CYB5R4: variants seen among roughly 807,000 people sequenced by gnomAD.
CYB5R4 encodes cytochrome b5 reductase 4.
CYB5R4 carries 55 observed loss-of-function variants against 70.2 expected under a neutral mutation model. The ratio of observed to expected loss-of-function variants is 0.78; its 90% CI spans 0.63 to 0.98. CYB5R4 has a LOEUF of 0.98. CYB5R4 is among the 50% of genes least tolerant of loss of function. The pLI, the probability that CYB5R4 is intolerant of heterozygous loss-of-function variation, is 0.00. For missense variants in CYB5R4, 562 were observed against 612.6 expected (o/e 0.92, Z 0.87); for synonymous variants, 197 against 199.5 (o/e 0.99, Z 0.11).
chr6:83,875,932 C>T (rs1334921903), intron 2 of CYB5R4, among the ~76,000 whole-genome samples: 2 of 152,146 alleles, frequency 1.3e-5, no homozygotes, highest in African/African-American at 2.4e-5. Flanking sequence ...CTGACTTTCT[C>T]GGAATTTAGC....
intron 3 of CYB5R4, among the ~76,000 whole-genome samples, chr6:83,898,809 G>C (rs2099462370): frequency 6.6e-6 from 1 of 152,122 alleles, no homozygotes; most frequent in African/African-American, 2.4e-5. Flanking sequence ...TTTGCACATT[G>C]ATTTTGTATC....
At chr6:83,889,586 A>AT (rs1454150069) in intron 2 of CYB5R4, among the ~76,000 whole-genome samples, 4 of 152,206 alleles carry the variant, frequency 2.6e-5, no homozygotes, top group African/African-American at 9.6e-5. Flanking sequence ...ATTACTACTC[A>AT]TTGACAATGC....
intron 2 of CYB5R4, among the ~76,000 whole-genome samples, chr6:83,876,746 A>T (rs994438227): frequency 3.9e-5 from 6 of 152,202 alleles, no homozygotes; most frequent in East Asian, 3.8e-4. Flanking sequence ...AAAGATAATT[A>T]AAAAATTATA....
intron 14 of CYB5R4, among the ~76,000 whole-genome samples, chr6:83,954,253 T>A (rs530957940): frequency 6.6e-6 from 1 of 152,280 alleles, no homozygotes; most frequent in East Asian, 1.9e-4. Context: ...CCTGTTCCAG[T>A]TTAAGCTCTT....
At chr6:83,946,294 A>C (rs543077138) in intron 14 of CYB5R4, among the ~76,000 whole-genome samples, 1 of 152,252 alleles carries the variant, frequency 6.6e-6, no homozygotes, top group Non-Finnish European at 1.5e-5. Flanking sequence ...AACGTATTGC[A>C]TCACATAAAC....
At chr6:83,929,839 A>G (rs1187658068) in intron 10 of CYB5R4, among the ~76,000 whole-genome samples, 1 of 152,148 alleles carries the variant, frequency 6.6e-6, no homozygotes, top group Non-Finnish European at 1.5e-5. Context: ...TAACCCAGTC[A>G]ATTAGTCTTA....
At chr6:83,867,139 G>A (rs568181365) in intron 2 of CYB5R4, among the ~76,000 whole-genome samples, 1 of 152,320 alleles carries the variant, frequency 6.6e-6, no homozygotes, top group East Asian at 1.9e-4. Flanking sequence ...GCTACAAAGT[G>A]TAAGTGATAT....
intron 1 of CYB5R4, 30 bp downstream of exon 1, chr6:83,859,887 C>T: frequency 6.3e-7 from 1 of 1,591,262 alleles, no homozygotes; most frequent in Non-Finnish European, 8.6e-7. Context: ...AGTCTCTCCC[C>T]TCGCTGCGTT....
At chr6:83,906,928 C>T (rs148929914) in intron 3 of CYB5R4, among the ~76,000 whole-genome samples, 275 of 152,090 alleles carry the variant, frequency 1.8e-3, no homozygotes, top group African/African-American at 6.2e-3. Context: ...TTTCCTTTGC[C>T]GGTCTTTTAC....
At chr6:83,884,090 TC>T (rs61761505) in intron 2 of CYB5R4, among the ~76,000 whole-genome samples, 3,662 of 152,066 alleles carry the variant, frequency 0.024, 139 homozygotes, top group African/African-American at 0.083. Context: ...TAGTAAAATC[TC>T]CCATATTAAT....
At chr6:83,868,125 G>A (rs534253089) in intron 2 of CYB5R4, among the ~76,000 whole-genome samples, 2 of 151,956 alleles carry the variant, frequency 1.3e-5, no homozygotes, top group South Asian at 4.2e-4. Flanking sequence ...TTGGACCCAA[G>A]TTTTCATCAA....
chr6:83,940,461 C>A, intron 13 of CYB5R4, 54 bp from the exon 14 acceptor site: 1 of 1,455,456 alleles, frequency 6.9e-7, no homozygotes, highest in Non-Finnish European at 9.2e-7. Context: ...TCCATTTGTG[C>A]ATATTTTAAA....
chr6:83,899,315 C>G (rs916457922), intron 3 of CYB5R4, among the ~76,000 whole-genome samples: 3 of 152,060 alleles, frequency 2.0e-5, no homozygotes, highest in African/African-American at 7.2e-5. Flanking sequence ...GGGATGAAGC[C>G]GACTTGATCA....
chr6:83,925,689 T>C (rs887547652), intron 10 of CYB5R4, among the ~76,000 whole-genome samples: 9 of 152,222 alleles, frequency 5.9e-5, no homozygotes, highest in Admixed American at 2.0e-4. Context: ...TTTTTTGTGC[T>C]AATCTTTTCA....
intron 9 of CYB5R4, among the ~76,000 whole-genome samples, chr6:83,923,274 A>G (rs879561653): frequency 1.7e-4 from 26 of 152,132 alleles, no homozygotes; most frequent in Non-Finnish European, 3.4e-4. Context: ...ATAGAATGGT[A>G]TATTCTTGTT....
chr6:83,946,218 T>C (rs1287376591), intron 14 of CYB5R4, among the ~76,000 whole-genome samples: 1 of 152,126 alleles, frequency 6.6e-6, no homozygotes, highest in East Asian at 1.9e-4. Context: ...TAAAAAGCTT[T>C]TCCACCACGA....
intron 3 of CYB5R4, among the ~76,000 whole-genome samples, chr6:83,904,304 G>A (rs2099463426): frequency 6.6e-6 from 1 of 152,104 alleles, no homozygotes; most frequent in Admixed American, 6.5e-5. Context: ...ACTGAATGGT[G>A]ATTCAGGAGC....
At chr6:83,913,785 T>A (rs1043261697) in intron 4 of CYB5R4, among the ~76,000 whole-genome samples, 1 of 152,094 alleles carries the variant, frequency 6.6e-6, no homozygotes. Flanking sequence ...CTTGCTGAGG[T>A]GTTTAGTTTG....
chr6:83,874,041 A>G (rs2099458085), intron 2 of CYB5R4, among the ~76,000 whole-genome samples: 1 of 151,872 alleles, frequency 6.6e-6, no homozygotes. Flanking sequence ...AGTGGTAGCC[A>G]TATTCTGTCT....
Sources: gnomAD v4.1 joint callset for allele counts (sites outside exome capture counted in the v4.1 genomes callset) on GRCh38, gnomAD v4.1.1 for gene constraint, MANE v1.5 for transcripts, NCBI Gene and HGNC (gene_info 2026-07-23, HGNC 2026-07-21) for gene names.